Variants in SETD1A observed in about 807,000 individuals in gnomAD.
SETD1A encodes the protein histone-lysine N-methyltransferase SETD1A.
A neutral mutation model predicts 149.9 loss-of-function variants in SETD1A; 29 were observed. The observed-to-expected ratio is 0.19, with a 90% CI of 0.14 to 0.26. SETD1A has a LOEUF of 0.26. Among genes scored for constraint, SETD1A ranks in the 10% least tolerant of loss-of-function variants. The probability of loss-of-function intolerance (pLI) is 1.00; values close to 1 mark genes in which losing one functional copy is unlikely to be tolerated. For synonymous variants in SETD1A, 1,141 were observed against 968.5 expected, an observed-to-expected ratio of 1.18 and a Z score of -3.31; for missense variants, 2,109 against 2,353.1, an observed-to-expected ratio of 0.90 and a Z score of 2.15.
intron 9 of SETD1A, 57 bp from the exon 10 acceptor site, chr16:30,967,444 G>A (rs530560203): frequency 6.0e-5 from 91 of 1,515,230 alleles, no homozygotes; most frequent in East Asian, 9.0e-5. Flanking sequence ...GTGAGCCACC[G>A]TGCTCTGCCT....
Position 30,965,860 on chromosome 16 carries a change from T to G in SETD1A, c.1979T>G (p.Val660Gly). The G allele has an allele frequency of 6.2e-7, 1 of 1,609,804 alleles. No homozygotes were observed. The highest frequency in any genetic ancestry group is 8.5e-7 in the Non-Finnish European group (1 of 1,178,222). ...CCACCCCCGCACATCTATGACTTTG[T>G]GAACTCCTTGGAGCTCATGGACCGA... ...PPPPPHIYDF[V>G]NSLELMDRLG... The change falls in exon 8 of 19, where the codon GTG (valine) becomes GGG (glycine). Residue 660 changes from valine to glycine, a missense_variant. By Grantham distance (109) the Val-to-Gly change is moderately radical (BLOSUM62 -3). Around this residue, in one of 8 missense-constraint regions of SETD1A, gnomAD observed 431 missense variants for 388.6 expected, o/e 1.11. Transcript: ENST00000262519.
chr16:30,964,518 G>A, intron 6 of SETD1A, 94 bp from the exon 7 acceptor site: 2 of 1,538,042 alleles, frequency 1.3e-6, no homozygotes, highest in Admixed American at 1.9e-5. Context: ...TCTTTTGGAG[G>A]GCAGCATAGA....
At chr16:30,960,730 C>CTTTCT (rs1555488856) in intron 3 of SETD1A, among the ~76,000 whole-genome samples, 30 of 80,544 alleles carry the variant, frequency 3.7e-4, no homozygotes, top group African/African-American at 1.2e-3. Context: ...TTCTTTCTTT[C>CTTTCT]TTTTTTTTTT....
chr16:30,981,016 G>C, intron 16 of SETD1A, 45 bp from the exon 17 acceptor site: 1 of 1,611,588 alleles, frequency 6.2e-7, no homozygotes. Context: ...GAGGGTCTGG[G>C]GTGTGGGAGG....
Position 30,977,196 on chromosome 16 carries a change from G to A in SETD1A, c.3359-1949G>A, listed in dbSNP as rs978354510. Among the ~76,000 whole-genome samples the A allele has an allele frequency of 6.6e-5, 10 of 152,152 alleles. No individual in the cohort carries two copies. In the South Asian group the frequency reaches 1.2e-3, roughly 19 times the overall value. ...CTTGACCTCATGGTCCACCCGCCTCGGCCTCCCAAAGTGCTGGGATTACAG... is the reference window on the plus strand; with the variant it reads ...CTTGACCTCATGGTCCACCCGCCTCAGCCTCCCAAAGTGCTGGGATTACAG... On this transcript the variant is annotated intron_variant, in intron 13 of 18. Coordinates refer to ENST00000262519, the MANE Select transcript of SETD1A (RefSeq NM_014712.3).
Position 30,958,828 on chromosome 16 carries a change from C to T in SETD1A, c.97C>T (p.Arg33Cys), listed in dbSNP as rs922284947. 1.2e-6 allele frequency: 2 copies of T among 1,614,122 alleles called. No individual in the cohort carries two copies. Among genetic ancestry groups the T allele is most frequent in the Non-Finnish European group, 8.5e-7 (1 of 1,179,944 alleles). ...IVDPALDPALRRPSQKVYRYD... is the reference protein window; with the variant it reads ...IVDPALDPALCRPSQKVYRYD... Reference sequence around the variant, plus strand: ...GGATCCTGCCTTGGACCCTGCCCTGCGCAGGCCTTCTCAGAAGGTGTACCG... The same window carrying T: ...GGATCCTGCCTTGGACCCTGCCCTGTGCAGGCCTTCTCAGAAGGTGTACCG... The change falls in exon 2 of 19, where the codon CGC becomes TGC. Residue 33 changes from arginine (R) to cysteine (C), a missense_variant. Arg to Cys is a radical substitution (Grantham distance 180). This residue lies in a region of SETD1A where 75 missense variants were observed against 95.3 expected (regional missense o/e 0.79). Coordinates refer to ENST00000262519, the MANE Select transcript of SETD1A (RefSeq NM_014712.3).
intron 3 of SETD1A, 107 bp downstream of exon 3, chr16:30,959,293 G>T (rs1031218418): frequency 6.3e-6 from 5 of 794,732 alleles, no homozygotes. Flanking sequence ...ATCTCAGCCA[G>T]ATCTAGCAAC....
At position 30,965,241 on chromosome 16, in the gene SETD1A, G is replaced by A. The variant is rs762141360; in HGVS notation, c.1499G>A (p.Arg500His). ...SRIEMLLKEQ[R>H]SKFSFLASDT... Reference sequence around the variant, plus strand: ...ATCGAGATGCTGCTGAAGGAGCAGCGCTCCAAGTTTTCCTTCTTGGCCTCT... The same window carrying A: ...ATCGAGATGCTGCTGAAGGAGCAGCACTCCAAGTTTTCCTTCTTGGCCTCT... Residue 500 changes from arginine to histidine, a missense_variant, in exon 7 of 19, where the codon CGC becomes CAC. Transcript: ENST00000262519. 6.2e-6 allele frequency: 10 copies of A among 1,614,116 alleles called. No individual in the cohort carries two copies. Among genetic ancestry groups the A allele is most frequent in the African/African-American group, 2.7e-5 (2 of 74,956 alleles).
chr16:30,960,690 G>A (rs1000222502), intron 3 of SETD1A, among the ~76,000 whole-genome samples: 22 of 145,944 alleles, frequency 1.5e-4, no homozygotes, highest in Non-Finnish European at 2.4e-4. Context: ...TTCTCTCCAC[G>A]TATATTTATT....
chr16:30,962,255 G>C (rs538580429), intron 4 of SETD1A, among the ~76,000 whole-genome samples: 129 of 152,188 alleles, frequency 8.5e-4, no homozygotes, highest in African/African-American at 2.9e-3. Flanking sequence ...AGTAGAGATA[G>C]GGTTTCACCC....
chr16:30,979,559 A>C lies in SETD1A; in HGVS notation c.3773A>C (p.Asp1258Ala). The change falls in exon 14 of 19, where the codon GAC becomes GCC. Residue 1258 changes from aspartate to alanine, a missense_variant. This residue lies in a region of SETD1A where 832 missense variants were observed against 815.6 expected (regional missense o/e 1.02). Transcript: ENST00000262519. ...GAGGTGGACCTGGCGGTCCTGGCCG[A>C]CCTGGCCCTGACCCCTGCCCGGCGC... ...GTEVDLAVLA[D>A]LALTPARRGL... is the part of the protein sequence containing the mutation. The C allele has an allele frequency of 6.2e-7, 1 of 1,609,636 alleles. No homozygotes were observed. The highest frequency in any genetic ancestry group is 8.5e-7 in the Non-Finnish European group (1 of 1,179,256).
rs367544939 is a variant in SETD1A, at chr16:30,980,478, C to T, written c.4409-7C>T. The T allele has an allele frequency of 2.2e-5, 35 of 1,611,688 alleles. No homozygotes were observed. The highest frequency in any genetic ancestry group is 2.8e-5 in the Non-Finnish European group (33 of 1,178,776). On this transcript the variant is annotated splice_region_variant and splice_polypyrimidine_tract_variant and intron_variant, in intron 14 of 18. Coordinates refer to ENST00000262519, the MANE Select transcript of SETD1A (RefSeq NM_014712.3). This position sits in a 1 kb window ranked among gnomAD's most constrained non-coding sequence, Gnocchi z 7.7. ...GAGGAGCCGTTCTCTTCCTTAACAC[C>T]CTGCACTCACCAACCTGACCACCCC...
Position 30,958,776 on chromosome 16 carries a change from C to T in SETD1A, c.45C>T (p.Phe15=), listed in dbSNP as rs762346914. 1.2e-5 allele frequency: 20 copies of T among 1,614,142 alleles called. No individual in the cohort carries two copies. The highest frequency in any genetic ancestry group is 1.7e-5 in the Non-Finnish European group (20 of 1,179,976). ...GAGATGGGCAGAAGGCCCCGAGCTT[C>T]CAGTGGCGGAACTACAAGCTCATCG... The part of the protein sequence containing the change: ...GGGDGQKAPS[F]QWRNYKLIVD... Residue 15 remains phenylalanine (F), a synonymous_variant, in exon 2 of 19, where the codon TTC becomes TTT. Transcript: ENST00000262519.
At chr16:30,972,638 CAAAA>C (rs34067658) in intron 13 of SETD1A, among the ~76,000 whole-genome samples, 1 of 118,942 alleles carries the variant, frequency 8.4e-6, no homozygotes. Context: ...GACTCTGTCT[CAAAA>C]AAAAAAAAAA....
Position 30,959,076 on chromosome 16 carries a change from T to C in SETD1A, c.151-15T>C, listed in dbSNP as rs2056009361. The C allele has an allele frequency of 6.3e-7, 1 of 1,592,530 alleles. No individual in the cohort carries two copies. The highest frequency in any genetic ancestry group is 1.1e-5 in the South Asian group (1 of 90,614). ...TCACCCTGAGCTCTCTTTCTGCTGCTGCTTTCCTTCCTAGGACTCAAAGTA... is the reference window on the plus strand; with the variant it reads ...TCACCCTGAGCTCTCTTTCTGCTGCCGCTTTCCTTCCTAGGACTCAAAGTA... On this transcript the variant is annotated splice_polypyrimidine_tract_variant and intron_variant, in intron 2 of 18. Coordinates refer to ENST00000262519, the MANE Select transcript of SETD1A (RefSeq NM_014712.3).
At chr16:30,982,168 C>T (rs1053929971) in intron 17 of SETD1A, among the ~76,000 whole-genome samples, 2 of 151,986 alleles carry the variant, frequency 1.3e-5, no homozygotes, top group African/African-American at 2.4e-5. Flanking sequence ...GAGGCACGGT[C>T]GTCTTGTGAG....
chr16:30,964,884 C>A lies in SETD1A; in HGVS notation c.1142C>A (p.Ser381Tyr). The A allele has an allele frequency of 6.2e-7, 1 of 1,614,242 alleles. No individual in the cohort carries two copies. The highest frequency in any genetic ancestry group is 1.1e-5 in the South Asian group (1 of 91,092). ...TGGAATCGCTACCAGCGCCATACTT[C>A]CTACCCACCACGCCGGGCCACACGG... is the stretch of plus-strand genomic sequence containing the variant. ...ESWNRYQRHT[S>Y]YPPRRATREE... The change falls in exon 7 of 19, where the codon TCC (serine) becomes TAC (tyrosine). Residue 381 changes from serine (S) to tyrosine (Y), a missense_variant. Ser to Tyr is a moderately radical substitution (Grantham distance 144). Coordinates refer to ENST00000262519, the MANE Select transcript of SETD1A (RefSeq NM_014712.3).
intron 4 of SETD1A, among the ~76,000 whole-genome samples, chr16:30,962,707 G>GACTC (rs2056071234): frequency 6.6e-6 from 1 of 152,258 alleles, no homozygotes; most frequent in Non-Finnish European, 1.5e-5. Flanking sequence ...AAGACTCTGA[G>GACTC]AGGCCAAGGT....
rs760858068 is a variant in SETD1A, at chr16:30,979,543, C to G, written c.3757C>G (p.Leu1253Val). ...EEAEPGTEVDLAVLADLALTP... is the reference protein window; with the variant it reads ...EEAEPGTEVDVAVLADLALTP... The stretch of plus-strand genomic sequence containing the variant: ...GGCTGAGCCAGGGACAGAGGTGGAC[C>G]TGGCGGTCCTGGCCGACCTGGCCCT... Residue 1253 changes from leucine (L) to valine (V), a missense_variant, in exon 14 of 19, where the codon CTG becomes GTG. Leu to Val is a conservative substitution (Grantham distance 32, BLOSUM62 1). This residue lies in a region of SETD1A where 832 missense variants were observed against 815.6 expected (regional missense o/e 1.02). Coordinates refer to ENST00000262519, the MANE Select transcript of SETD1A (RefSeq NM_014712.3). 6.2e-7 allele frequency: 1 copy of G among 1,608,382 alleles called. No individual in the cohort carries two copies.
Sources: gnomAD v4.1 joint callset for allele counts (sites outside exome capture counted in the v4.1 genomes callset) on GRCh38, gnomAD v4.1.1 for gene constraint, gnomAD v4.1.1 regional missense constraint, Gnocchi (gnomAD v3.1) non-coding constraint, MANE v1.5 for transcripts, NCBI Gene and HGNC (gene_info 2026-07-23, HGNC 2026-07-21) for gene names.